The following GLI2 variants were observed in gnomAD, a reference collection of about 807,000 sequenced individuals.
GLI2 encodes the protein transcription activator GLI2.
A neutral mutation model predicts 78.9 loss-of-function variants in GLI2; 22 were observed. The ratio of observed to expected loss-of-function variants is 0.28; its 90% CI spans 0.20 to 0.40. The LOEUF (loss-of-function observed/expected upper bound fraction) is 0.40. Ranked by LOEUF, GLI2 falls within the 10% of genes least tolerant of loss-of-function variation. The probability of loss-of-function intolerance (pLI) is 1.00; values close to 1 mark genes in which losing one functional copy is unlikely to be tolerated. For synonymous variants in GLI2, 974 were observed against 963.7 expected (o/e 1.01, Z -0.20); for missense variants, 2,097 against 2,213.2 (o/e 0.95, Z 1.05).
At chr2:120,809,636 G>A (rs560296503) in intron 2 of GLI2, among the ~76,000 whole-genome samples, 5 of 152,290 alleles carry the variant, frequency 3.3e-5, no homozygotes, top group Admixed American at 1.3e-4. Flanking sequence ...GGGCCTGGTC[G>A]TGCTGCTGCT....
chr2:120,965,174 G>A (rs1260886900), intron 5 of GLI2, among the ~76,000 whole-genome samples: 3 of 151,978 alleles, frequency 2.0e-5, no homozygotes, highest in Admixed American at 1.3e-4. Context: ...CTCCAGCCAG[G>A]ATGCAGATGC....
intron 1 of GLI2, among the ~76,000 whole-genome samples, chr2:120,753,967 AT>A (rs1203065195): frequency 6.6e-6 from 1 of 151,706 alleles, no homozygotes; most frequent in Non-Finnish European, 1.5e-5. Flanking sequence ...TGTTACAAAC[AT>A]TTTTTTCTTG....
chr2:120,818,941 G>A (rs1685635138), intron 2 of GLI2, among the ~76,000 whole-genome samples: 1 of 150,348 alleles, frequency 6.7e-6, no homozygotes, highest in Non-Finnish European at 1.5e-5. Flanking sequence ...CTCTTTTACT[G>A]ATACCCACTT....
intron 2 of GLI2, among the ~76,000 whole-genome samples, chr2:120,865,106 T>C (rs1211458085): frequency 6.6e-6 from 1 of 152,134 alleles, no homozygotes; most frequent in Non-Finnish European, 1.5e-5. Context: ...CACTTCCATC[T>C]ATGGGTAGTA....
intron 1 of GLI2, among the ~76,000 whole-genome samples, chr2:120,773,313 A>G (rs1365006456): frequency 6.6e-6 from 1 of 152,060 alleles, no homozygotes; most frequent in Non-Finnish European, 1.5e-5. Flanking sequence ...CCTGATGGTG[A>G]GTGGCATTCT....
intron 2 of GLI2, among the ~76,000 whole-genome samples, chr2:120,923,225 T>C (rs1679473919): frequency 7.8e-6 from 1 of 128,490 alleles, no homozygotes; most frequent in African/African-American, 2.9e-5. Context: ...CACGTACACA[T>C]ATACACAGCA....
intron 3 of GLI2, among the ~76,000 whole-genome samples, chr2:120,937,260 G>C (rs1481220867): frequency 6.6e-6 from 1 of 152,124 alleles, no homozygotes; most frequent in East Asian, 1.9e-4. Flanking sequence ...ATTTTTATTT[G>C]TATAAATTTA....
In GLI2 at chr2:120,738,315, G is replaced by T. The variant is rs141412607; in HGVS notation, c.-31+2030G>T. Among the ~76,000 whole-genome samples, 624 of 152,252 alleles carry T rather than the reference G, an allele frequency of 4.1e-3. 4 individuals carry two copies. Among genetic ancestry groups the T allele is most frequent in the African/African-American group, 0.014 (583 of 41,538 alleles). ...TTGCTTTTGTTTTCCTAGACTTGCT[G>T]CTTCTCTCTTGAGGGTTACAGGAAA... On this transcript the variant is annotated intron_variant, in intron 1 of 13. Coordinates refer to ENST00000361492, the MANE Select transcript of GLI2 (RefSeq NM_001374353.1).
At chr2:120,875,926 C>T (rs751874223) in intron 2 of GLI2, among the ~76,000 whole-genome samples, 2 of 152,126 alleles carry the variant, frequency 1.3e-5, no homozygotes, top group South Asian at 4.1e-4. Flanking sequence ...CTGGGGATTT[C>T]GTTCTCTTTT....
At chr2:120,886,185 TGTGTGTGTGTGTGTGTGTGTGTGTGC>T (rs1436377678) in intron 2 of GLI2, among the ~76,000 whole-genome samples, 10,432 of 99,022 alleles carry the variant, frequency 0.11, 1,396 homozygotes, top group African/African-American at 0.37. Flanking sequence ...TGTGTGTGTG[TGTGTGTGTGTGTGTGTGTGTGTGTGC>T]GTGTATATTT....
At chr2:120,907,696 T>C (rs1287134136) in intron 2 of GLI2, among the ~76,000 whole-genome samples, 1 of 152,098 alleles carries the variant, frequency 6.6e-6, no homozygotes, top group Non-Finnish European at 1.5e-5. Flanking sequence ...TGTGTGGTCT[T>C]GGATGGGTCA....
chr2:120,943,393 G>A (rs1251329375), intron 3 of GLI2, among the ~76,000 whole-genome samples: 1 of 152,204 alleles, frequency 6.6e-6, no homozygotes, highest in African/African-American at 2.4e-5. Flanking sequence ...GGACACAGAG[G>A]GGAGAGGCAG....
At chr2:120,785,681 G>T (rs75589685) in intron 1 of GLI2, among the ~76,000 whole-genome samples, 8,313 of 152,306 alleles carry the variant, frequency 0.055, 354 homozygotes, top group Admixed American at 0.11. Context: ...CTTGGAGATT[G>T]CTGGCTCGTG....
chr2:120,896,059 T>C (rs1417512957), intron 2 of GLI2, among the ~76,000 whole-genome samples: 3 of 152,154 alleles, frequency 2.0e-5, no homozygotes, highest in African/African-American at 7.2e-5. Context: ...GTGTGAAGGT[T>C]CTAGGGTTGT....
intron 2 of GLI2, among the ~76,000 whole-genome samples, chr2:120,828,838 G>T (rs146519651): frequency 7.0e-6 from 1 of 142,264 alleles, no homozygotes; most frequent in Non-Finnish European, 1.5e-5. Context: ...TGGATTCTCT[G>T]CTGAGGCCGT....
intron 2 of GLI2, among the ~76,000 whole-genome samples, chr2:120,850,392 G>A (rs529689100): frequency 1.1e-3 from 160 of 152,324 alleles, no homozygotes; most frequent in African/African-American, 3.7e-3. Context: ...CCGATCAACA[G>A]CAGTGAGTGT....
chr2:120,966,394 A>T (rs184724980), intron 5 of GLI2, among the ~76,000 whole-genome samples: 2 of 152,206 alleles, frequency 1.3e-5, no homozygotes, highest in African/African-American at 4.8e-5. Context: ...ACTTCACCCC[A>T]CTGCAGGCCA....
chr2:120,799,618 G>A (rs1204492035), intron 2 of GLI2, among the ~76,000 whole-genome samples: 1 of 152,234 alleles, frequency 6.6e-6, no homozygotes, highest in Non-Finnish European at 1.5e-5. Flanking sequence ...TCGTGGATGG[G>A]ATGGGAGGTG....
At chr2:120,837,351 A>G (rs1053279434) in intron 2 of GLI2, among the ~76,000 whole-genome samples, 2 of 144,026 alleles carry the variant, frequency 1.4e-5, no homozygotes, top group South Asian at 2.2e-4. Flanking sequence ...CCAAGATCAC[A>G]CCACTGCACT....
Sources: allele counts gnomAD v4.1 joint callset (sites outside exome capture counted in the v4.1 genomes callset), GRCh38; gene constraint gnomAD v4.1.1; transcripts MANE v1.5; gene names NCBI Gene and HGNC (gene_info 2026-07-23, HGNC 2026-07-21).